The following SYNDIG1 variants were observed in gnomAD, a reference collection of about 807,000 sequenced individuals.
SYNDIG1 encodes synapse differentiation-inducing gene protein 1.
In SYNDIG1, 9 loss-of-function variants were observed where a neutral mutation model predicts 19.4. The ratio of observed to expected loss-of-function variants is 0.46; its 90% CI spans 0.28 to 0.81. The LOEUF (loss-of-function observed/expected upper bound fraction) is 0.81. SYNDIG1 is among the 30% of genes least tolerant of loss of function. SYNDIG1 has a pLI of 0.12. For missense variants in SYNDIG1, 311 were observed against 343.3 expected, an observed-to-expected ratio of 0.91 and a Z score of 0.74; for synonymous variants, 141 against 145.9, an observed-to-expected ratio of 0.97 and a Z score of 0.24.
chr20:24,510,085 C>A (rs997364139), intron 1 of SYNDIG1, among the ~76,000 whole-genome samples: 1 of 152,172 alleles, frequency 6.6e-6, no homozygotes, highest in Non-Finnish European at 1.5e-5. Flanking sequence ...GAGTCCTCCC[C>A]AGAAGCTGAG....
intron 3 of SYNDIG1, among the ~76,000 whole-genome samples, chr20:24,639,213 A>C (rs1471995074): frequency 6.6e-6 from 1 of 152,226 alleles, no homozygotes; most frequent in Admixed American, 6.5e-5. Context: ...AGAACGTGAC[A>C]GGCTCAGGGG....
Position 24,665,561 on chromosome 20 carries a change from A to G in SYNDIG1, c.*57A>G. The G allele has an allele frequency of 6.2e-7, 1 of 1,607,206 alleles. No individual in the cohort carries two copies. Among genetic ancestry groups the G allele is most frequent in the Non-Finnish European group, 8.5e-7 (1 of 1,177,732 alleles). The stretch of plus-strand genomic sequence containing the variant: ...GCCAGGTCTGTGTGGACGTGGAGGA[A>G]GCAGGCATACCGCATGATGCTGTAC... On this transcript the variant is annotated 3_prime_UTR_variant, in exon 4 of 4. Coordinates refer to ENST00000376862, the MANE Select transcript of SYNDIG1 (RefSeq NM_024893.3).
In SYNDIG1 at chr20:24,566,464, C is replaced by G. The variant is rs531340731; in HGVS notation, c.481-18392C>G. ...ACTATCAGAGAATAAATGAAACTAT[C>G]AAAGCCCTGCGGGTATCCTGATTTC... is the stretch of plus-strand genomic sequence containing the variant. On this transcript the variant is annotated intron_variant, in intron 2 of 3. Coordinates refer to ENST00000376862, the MANE Select transcript of SYNDIG1 (RefSeq NM_024893.3). Among the ~76,000 whole-genome samples, 14 of 152,308 alleles carry G rather than the reference C, an allele frequency of 9.2e-5. No individual in the cohort carries two copies. In the South Asian group the frequency reaches 2.9e-3, roughly 32 times the overall value.
intron 1 of SYNDIG1, among the ~76,000 whole-genome samples, chr20:24,523,654 G>T (rs2057054590): frequency 6.6e-6 from 1 of 152,154 alleles, no homozygotes; most frequent in African/African-American, 2.4e-5. Context: ...TGTGTAAAAT[G>T]ACGGGAAATT....
intron 1 of SYNDIG1, among the ~76,000 whole-genome samples, chr20:24,539,936 G>A (rs1250498328): frequency 3.3e-5 from 5 of 151,912 alleles, no homozygotes; most frequent in Admixed American, 2.0e-4. Context: ...CCACCACCAC[G>A]CCCAGCTAAT....
chr20:24,649,729 T>G (rs1179903852), intron 3 of SYNDIG1, among the ~76,000 whole-genome samples: 1 of 152,156 alleles, frequency 6.6e-6, no homozygotes, highest in African/African-American at 2.4e-5. Flanking sequence ...CAGTCCTGTT[T>G]CCTGAAAGTG....
intron 3 of SYNDIG1, among the ~76,000 whole-genome samples, chr20:24,608,211 A>G (rs2058789833): frequency 2.0e-5 from 3 of 150,442 alleles, no homozygotes; most frequent in Admixed American, 2.0e-4. Flanking sequence ...TTTTTGAGAC[A>G]GTCTCGCTCT....
intron 1 of SYNDIG1, among the ~76,000 whole-genome samples, chr20:24,540,021 A>G (rs1191511401): frequency 6.6e-6 from 1 of 152,170 alleles, no homozygotes; most frequent in Non-Finnish European, 1.5e-5. Context: ...ACCTCAAGTC[A>G]TCCACCCACT....
intron 1 of SYNDIG1, among the ~76,000 whole-genome samples, chr20:24,520,893 T>C (rs1215593064): frequency 2.0e-5 from 3 of 152,302 alleles, no homozygotes; most frequent in African/African-American, 4.8e-5. Context: ...TCCATGCACA[T>C]TGCTGTGCAG....
intron 3 of SYNDIG1, among the ~76,000 whole-genome samples, chr20:24,591,481 G>A (rs1435767628): frequency 6.6e-6 from 1 of 152,164 alleles, no homozygotes; most frequent in East Asian, 1.9e-4. Context: ...GCTGTAAATG[G>A]AGAGTGAGAA....
At chr20:24,484,664 C>A (rs571803529) in intron 1 of SYNDIG1, among the ~76,000 whole-genome samples, 2 of 152,268 alleles carry the variant, frequency 1.3e-5, no homozygotes, top group East Asian at 3.9e-4. Flanking sequence ...TGATCTGACA[C>A]AGATACTAAA....
chr20:24,585,042 T>TG, intron 3 of SYNDIG1, 49 bp downstream of exon 3: 1 of 430,280 alleles, frequency 2.3e-6, no homozygotes, highest in Non-Finnish European at 3.7e-6. Context: ...GTTCACAGGG[T>TG]GGGGGTGGGG....
chr20:24,618,775 T>G (rs2058990078), intron 3 of SYNDIG1, among the ~76,000 whole-genome samples: 1 of 152,202 alleles, frequency 6.6e-6, no homozygotes, highest in Non-Finnish European at 1.5e-5. Flanking sequence ...TCTTATTTTT[T>G]TCTCTCTTAC....
At chr20:24,628,133 A>G (rs1159820893) in intron 3 of SYNDIG1, among the ~76,000 whole-genome samples, 1 of 152,230 alleles carries the variant, frequency 6.6e-6, no homozygotes, top group East Asian at 1.9e-4. Context: ...CATCCCCTGC[A>G]TGCTCAGCCC....
At chr20:24,574,878 T>A (rs554646054) in intron 2 of SYNDIG1, among the ~76,000 whole-genome samples, 1 of 152,340 alleles carries the variant, frequency 6.6e-6, no homozygotes, top group African/African-American at 2.4e-5. Context: ...CCTAGGGCCG[T>A]CGTTAGGTGC....
At chr20:24,493,314 A>C (rs1434151193) in intron 1 of SYNDIG1, among the ~76,000 whole-genome samples, 1 of 152,220 alleles carries the variant, frequency 6.6e-6, no homozygotes, top group East Asian at 1.9e-4. Flanking sequence ...ATGCATGGGC[A>C]CACAAGCATG....
intron 1 of SYNDIG1, among the ~76,000 whole-genome samples, chr20:24,486,256 G>A (rs770446046): frequency 2.0e-5 from 3 of 152,228 alleles, no homozygotes; most frequent in South Asian, 2.1e-4. Context: ...GAGAGGGCAG[G>A]GTGGGTGCTG....
chr20:24,627,431 TTG>T (rs2059166787), intron 3 of SYNDIG1, among the ~76,000 whole-genome samples: 1 of 152,168 alleles, frequency 6.6e-6, no homozygotes, highest in African/African-American at 2.4e-5. Flanking sequence ...CTGGTGAATT[TTG>T]TGTGACTGGT....
intron 1 of SYNDIG1, among the ~76,000 whole-genome samples, chr20:24,498,548 A>T (rs2056358759): frequency 6.6e-6 from 1 of 150,436 alleles, no homozygotes; most frequent in African/African-American, 2.5e-5. Context: ...CCACCATTCC[A>T]CTCTCTGCTG....
Sources: allele counts gnomAD v4.1 joint callset (sites outside exome capture counted in the v4.1 genomes callset), GRCh38; gene constraint gnomAD v4.1.1; transcripts MANE v1.5; gene names NCBI Gene and HGNC (gene_info 2026-07-23, HGNC 2026-07-21).